The following MYH15 variants were observed in gnomAD, a reference collection of about 807,000 sequenced individuals.
MYH15 encodes myosin-15.
MYH15 carries 227 observed loss-of-function variants against 240.5 expected under a neutral mutation model. The observed-to-expected ratio is 0.94, with a 90% CI of 0.85 to 1.05. The LOEUF (loss-of-function observed/expected upper bound fraction) is 1.05. MYH15 is among the 50% of genes least tolerant of loss of function. The probability of loss-of-function intolerance (pLI) is 0.00; values close to 1 mark genes in which losing one functional copy is unlikely to be tolerated. For synonymous variants in MYH15, 785 were observed against 796.7 expected (o/e 0.99, Z 0.25); for missense variants, 2,217 against 2,247.5 (o/e 0.99, Z 0.27).
intron 21 of MYH15, among the ~76,000 whole-genome samples, chr3:108,445,935 C>T (rs750171784): frequency 1.4e-4 from 22 of 152,064 alleles, no homozygotes; most frequent in East Asian, 3.9e-4. Context: ...ATTAGAAATA[C>T]TGGGGAAAAA....
In MYH15 at chr3:108,464,685, T is replaced by C. The variant is rs1280479719; in HGVS notation, c.1684A>G (p.Lys562Glu). ...TCAAAATGAGCTTCAAATTTCTTCT[T>C]ATCAGGCTTGGGCTTCTGGAGATGA... ...SVHLQKPKPDKKKFEAHFELV... is the reference protein window; with the variant it reads ...SVHLQKPKPDEKKFEAHFELV... The change falls in exon 15 of 41, where the codon AAG becomes GAG. Residue 562 changes from lysine (K) to glutamate (E), a missense_variant. Lys to Glu is a moderately conservative substitution (Grantham distance 56, BLOSUM62 1). Transcript: ENST00000693548. 1.2e-6 allele frequency: 2 copies of C among 1,613,814 alleles called. No homozygotes were observed. The highest frequency in any genetic ancestry group is 1.7e-5 in the Admixed American group (1 of 59,982).
chr3:108,383,739 T>TAAAA lies in MYH15; in HGVS notation c.5632-14_5632-11dup. The TAAAA allele has an allele frequency of 5.7e-5, 77 of 1,350,738 alleles. No individual in the cohort carries two copies. Among genetic ancestry groups the TAAAA allele is most frequent in the South Asian group, 1.1e-4 (7 of 61,962 alleles). The allele number at this position is 1,350,738 out of a possible 1,614,324, so 83.7% of individuals were successfully genotyped here. A position where few individuals can be genotyped will look rare whatever the true frequency, so the allele number is the denominator to read the frequency against. On this transcript the variant is annotated splice_polypyrimidine_tract_variant and intron_variant, in intron 39 of 40. Transcript: ENST00000693548. Reference sequence around the variant, plus strand: ...GATTGGCTTGTGTTTCCTATAAAAATAAAAAAAAAAAAAAAGAAATCTCCA... The same window carrying TAAAA: ...GATTGGCTTGTGTTTCCTATAAAAATAAAAAAAAAAAAAAAAAAAGAAATCTCCA...
intron 10 of MYH15, 46 bp from the exon 11 acceptor site, chr3:108,485,275 C>T (rs1429709169): frequency 5.0e-6 from 8 of 1,605,806 alleles, no homozygotes; most frequent in Non-Finnish European, 6.8e-6. Flanking sequence ...TGCTTAATGG[C>T]TGCAGTGAGC....
intron 9 of MYH15, among the ~76,000 whole-genome samples, 162 bp from the exon 10 acceptor site, chr3:108,486,688 G>T (rs1456563772): frequency 1.3e-5 from 2 of 152,160 alleles, no homozygotes; most frequent in Non-Finnish European, 2.9e-5. Context: ...ATCAATGTTT[G>T]CCCTCTATTA....
chr3:108,470,635 A>T, intron 13 of MYH15, 63 bp downstream of exon 13: 1 of 1,563,548 alleles, frequency 6.4e-7, no homozygotes, highest in South Asian at 1.2e-5. Context: ...TCCCATCTTC[A>T]AGTAACGTTT....
At chr3:108,435,615 T>C (rs943862296) in intron 25 of MYH15, among the ~76,000 whole-genome samples, 1 of 149,038 alleles carries the variant, frequency 6.7e-6, no homozygotes, top group Non-Finnish European at 1.5e-5. Flanking sequence ...TCCTCCAAAT[T>C]CATCCATGTT....
At chr3:108,464,549 A>T in intron 15 of MYH15, 89 bp downstream of exon 15, 1 of 1,260,566 alleles carries the variant, frequency 7.9e-7, no homozygotes, top group Admixed American at 2.4e-5. Flanking sequence ...TAATCTAAAC[A>T]TTACTTAAAT....
At chr3:108,413,456 C>T (rs1052394887) in intron 30 of MYH15, among the ~76,000 whole-genome samples, 1 of 152,154 alleles carries the variant, frequency 6.6e-6, no homozygotes, top group African/African-American at 2.4e-5. Flanking sequence ...TATTGATCTT[C>T]CCTGGATTTT....
chr3:108,533,953 G>C (rs1008149614), upstream of MYH15, among the ~76,000 whole-genome samples: 1 of 152,174 alleles, frequency 6.6e-6, no homozygotes, highest in African/African-American at 2.4e-5. Context: ...TAGATGAAGG[G>C]AAACAATGTA....
Position 108,428,846 on chromosome 3 carries a change from A to G in MYH15, c.3348T>C (p.Ala1116=). 1 of 1,610,588 alleles carries G rather than the reference A, an allele frequency of 6.2e-7. No individual in the cohort carries two copies. Among genetic ancestry groups the G allele is most frequent in the Non-Finnish European group, 8.5e-7 (1 of 1,179,192 alleles). Residue 1116 remains alanine, a synonymous_variant, in exon 27 of 41, where the codon GCT becomes GCC. Transcript: ENST00000693548. ...QIKDLKEKLE[A]ERTTRAKMER... ...CCATCTTGGCTCGAGTGGTCCTTTC[A>G]GCTTCTAGTTTCTCTTTCAAATCCT...
Position 108,399,048 on chromosome 3 carries a change from C to A in MYH15, c.4929+27G>T. The stretch of plus-strand genomic sequence containing the variant: ...AAGCAGAAACATTTTCCACCCCTCC[C>A]TACCCCATCTTACAGTTTTAAAATA... On this transcript the variant is annotated intron_variant, in intron 34 of 40. Coordinates refer to ENST00000693548, the MANE Select transcript of MYH15 (RefSeq NM_014981.3). 3 of 1,602,854 alleles carry A rather than the reference C, an allele frequency of 1.9e-6. No homozygotes were observed. The South Asian group carries it at 3.4e-5, about 18-fold the overall frequency.
In MYH15 at chr3:108,455,835, G is replaced by A; in HGVS notation, c.2163C>T (p.Thr721=). 1 of 1,612,896 alleles carries A rather than the reference G, an allele frequency of 6.2e-7. No homozygotes were observed. The highest frequency in any genetic ancestry group is 8.5e-7 in the Non-Finnish European group (1 of 1,179,028). ...KQRYCILNPR[T]FPKSKFVSSR... is the part of the protein sequence containing the mutation. ...TGCTCACAAACTTGCTCTTTGGAAA[G>A]GTCCTTGGATTCAGAATGCAGTACC... The change falls in exon 20 of 41, where the codon ACC becomes ACT. Residue 721 remains threonine, a synonymous_variant. Coordinates refer to ENST00000693548, the MANE Select transcript of MYH15 (RefSeq NM_014981.3).
At chr3:108,403,103 A>G (rs1324299066) in intron 33 of MYH15, among the ~76,000 whole-genome samples, 1 of 152,100 alleles carries the variant, frequency 6.6e-6, no homozygotes, top group East Asian at 1.9e-4. Flanking sequence ...AACATTAAGC[A>G]CTCCAATATC....
In MYH15 at chr3:108,517,847, C is replaced by T. The variant is rs557856703; in HGVS notation, c.-57-7260G>A. On this transcript the variant is annotated intron_variant, in intron 1 of 41. Transcript: ENST00000273353. ...CTGTGGATTAAAAGAGTAATAAGAC[C>T]TCAAGAAGTTTCCACTCTAATGGAC... 9.8e-4 allele frequency among the ~76,000 whole-genome samples: 149 copies of T among 152,254 alleles called. 2 individuals are homozygous for T. The highest frequency in any genetic ancestry group is 1.7e-3 in the Non-Finnish European group (115 of 68,024).
intron 28 of MYH15, among the ~76,000 whole-genome samples, chr3:108,419,550 T>C (rs1477891570): frequency 6.6e-6 from 1 of 152,244 alleles, no homozygotes; most frequent in Non-Finnish European, 1.5e-5. Context: ...TCCAGCTTTG[T>C]GTCTGGACTG....
chr3:108,410,590 G>A lies in MYH15; in HGVS notation c.4488C>T (p.Asn1496=). The A allele has an allele frequency of 2.5e-6, 4 of 1,589,100 alleles. No homozygotes were observed. The highest frequency in any genetic ancestry group is 3.4e-6 in the Non-Finnish European group (4 of 1,161,630). ...GAGCCCAGCTCGGTGTACCTTGGAG[G>A]TTCTTGTTCTCCCTCCTGAGTGTCT... ...GQETLRRENK[N]LQEEISNLTN... The change falls in exon 31 of 41, where the codon AAC becomes AAT. Residue 1496 remains asparagine (N), a synonymous_variant. Transcript: ENST00000693548.
At chr3:108,418,536 C>T (rs996142281) in intron 28 of MYH15, among the ~76,000 whole-genome samples, 3 of 152,012 alleles carry the variant, frequency 2.0e-5, no homozygotes, top group Non-Finnish European at 2.9e-5. Flanking sequence ...TAGTACTATA[C>T]TAAAATAGCT....
At chr3:108,549,247 A>C in the MYH15 span, among the ~76,000 whole-genome samples, 6 of 151,880 alleles carry the variant, frequency 4.0e-5, no homozygotes, top group Admixed American at 3.9e-4. Context: ...TTTTTTTAGA[A>C]AAAAAATATT....
At chr3:108,421,556 C>T (rs144798598) in intron 27 of MYH15, among the ~76,000 whole-genome samples, 162 of 152,336 alleles carry the variant, frequency 1.1e-3, no homozygotes, top group African/African-American at 3.4e-3. Context: ...ACATATTTAA[C>T]TGTCTTTTTC....
Sources: gnomAD v4.1 joint callset for allele counts (sites outside exome capture counted in the v4.1 genomes callset) on GRCh38, gnomAD v4.1.1 for gene constraint, MANE v1.5 for transcripts, NCBI Gene and HGNC (gene_info 2026-07-23, HGNC 2026-07-21) for gene names.